Variants in TGS1 observed in about 807,000 individuals in gnomAD.
TGS1 encodes trimethylguanosine synthase 1, also known as trimethylguanosine synthase.
In TGS1, 69 loss-of-function variants were observed where a neutral mutation model predicts 92.2. The observed-to-expected ratio is 0.75, with a 90% CI of 0.62 to 0.91. The LOEUF is 0.91. TGS1 is among the 40% of genes least tolerant of loss of function. TGS1 has a pLI of 0.00. For missense variants in TGS1, 1,062 were observed against 1,001.2 expected, an observed-to-expected ratio of 1.06 and a Z score of -0.82; for synonymous variants, 345 against 338.1, an observed-to-expected ratio of 1.02 and a Z score of -0.22.
chr8:55,794,179 T>A (rs1811973242), intron 6 of TGS1, among the ~76,000 whole-genome samples: 1 of 152,160 alleles, frequency 6.6e-6, no homozygotes, highest in Admixed American at 6.6e-5. Context: ...CTGCCTTCCT[T>A]CCTTAGGGTC....
intron 2 of TGS1, among the ~76,000 whole-genome samples, chr8:55,783,901 A>G (rs1585757396): frequency 6.6e-6 from 1 of 152,346 alleles, no homozygotes. Flanking sequence ...TATGCATACA[A>G]TGAAAGGAAC....
At chr8:55,819,651 C>CT (rs1019596797) in intron 12 of TGS1, among the ~76,000 whole-genome samples, 18 of 152,054 alleles carry the variant, frequency 1.2e-4, no homozygotes, top group Admixed American at 3.3e-4. Flanking sequence ...ATGATGGTGG[C>CT]TTTAAGATTT....
rs1306851220 is a variant in TGS1, at chr8:55,826,179, G to A, written c.*1476G>A. Among the ~76,000 whole-genome samples the A allele has an allele frequency of 1.3e-5, 2 of 152,114 alleles. No homozygotes were observed. The highest frequency in any genetic ancestry group is 2.9e-5 in the Non-Finnish European group (2 of 68,012). On this transcript the variant is annotated 3_prime_UTR_variant, in exon 13 of 13. Transcript: ENST00000260129. Reference sequence around the variant, plus strand: ...GTAGCATTCTTAAAGTCACTAGGGAGATGGCAGGTGAAGTAAAGGCAGATT... The same window carrying A: ...GTAGCATTCTTAAAGTCACTAGGGAAATGGCAGGTGAAGTAAAGGCAGATT...
At chr8:55,811,874 C>A (rs910695103) in intron 11 of TGS1, among the ~76,000 whole-genome samples, 1 of 152,098 alleles carries the variant, frequency 6.6e-6, no homozygotes, top group South Asian at 2.1e-4. Context: ...ATGTGGGGAT[C>A]GATCTCCAAA....
At chr8:55,790,715 C>T (rs1020502684) in intron 5 of TGS1, among the ~76,000 whole-genome samples, 3 of 152,102 alleles carry the variant, frequency 2.0e-5, no homozygotes, top group African/African-American at 4.8e-5. Context: ...GACAGGGTCT[C>T]GCTATGTTGC....
In TGS1 at chr8:55,782,750, A is replaced by T; in HGVS notation, c.104A>T (p.Asp35Val). 6.2e-7 allele frequency: 1 copy of T among 1,610,104 alleles called. No individual in the cohort carries two copies. Among genetic ancestry groups the T allele is most frequent in the Admixed American group, 1.7e-5 (1 of 59,272 alleles). ...GAACTGCTTAATCTGCTTCGCAGGG[A>T]TCGAAAATTGTACAATTTGGGATTA... is the stretch of plus-strand genomic sequence containing the variant. ...LCLCSRAFVE[D>V]RKLYNLGLKG... The change falls in exon 2 of 13, where the codon GAT becomes GTT. Residue 35 changes from aspartate (D) to valine (V), a missense_variant and splice_region_variant. Transcript: ENST00000260129.
chr8:55,810,966 C>G lies in TGS1; in HGVS notation c.2229C>G (p.Phe743Leu). Reference sequence around the variant, plus strand: ...ATGGGATAGCAGATAAGATAGAGTTCATCTGTGGAGATTTCTTGCTGCTGG... The same window carrying G: ...ATGGGATAGCAGATAAGATAGAGTTGATCTGTGGAGATTTCTTGCTGCTGG... ...EVYGIADKIEFICGDFLLLAS... is the reference protein window; with the variant it reads ...EVYGIADKIELICGDFLLLAS... The change falls in exon 11 of 13, where the codon TTC becomes TTG. Residue 743 changes from phenylalanine to leucine, a missense_variant. Phe to Leu is a conservative substitution (Grantham distance 22). Coordinates refer to ENST00000260129, the MANE Select transcript of TGS1 (RefSeq NM_024831.8). 6.2e-7 allele frequency: 1 copy of G among 1,614,124 alleles called. No individual in the cohort carries two copies. The highest frequency in any genetic ancestry group is 1.6e-4 in the Middle Eastern group (1 of 6,062).
At position 55,811,037 on chromosome 8, in the gene TGS1, G is replaced by A. The variant is rs1361786612; in HGVS notation, c.2300G>A (p.Gly767Glu). 6.2e-7 allele frequency: 1 copy of A among 1,614,182 alleles called. No individual in the cohort carries two copies. The change falls in exon 11 of 13, where the codon GGA becomes GAA. Residue 767 changes from glycine to glutamate, a missense_variant. Coordinates refer to ENST00000260129, the MANE Select transcript of TGS1 (RefSeq NM_024831.8). ...ADVVFLSPPW[G>E]GPDYATAETF... Reference sequence around the variant, plus strand: ...GTTGTGTTCCTCAGCCCACCTTGGGGAGGGCCAGACTATGCCACTGCAGAG... The same window carrying A: ...GTTGTGTTCCTCAGCCCACCTTGGGAAGGGCCAGACTATGCCACTGCAGAG...
intron 4 of TGS1, among the ~76,000 whole-genome samples, chr8:55,789,778 C>T (rs1811822301): frequency 6.6e-6 from 1 of 152,098 alleles, no homozygotes; most frequent in Admixed American, 6.5e-5. Flanking sequence ...ACACAAACAG[C>T]TGGATTGGTT....
chr8:55,826,300 G>T lies in TGS1; in HGVS notation c.*1597G>T, dbSNP rs1041107416. 1.3e-5 allele frequency among the ~76,000 whole-genome samples: 2 copies of T among 152,020 alleles called. No individual in the cohort carries two copies. Among genetic ancestry groups the T allele is most frequent in the African/African-American group, 4.8e-5 (2 of 41,372 alleles). On this transcript the variant is annotated 3_prime_UTR_variant, in exon 13 of 13. Coordinates refer to ENST00000260129, the MANE Select transcript of TGS1 (RefSeq NM_024831.8). ...ATTTTCTTACTTGTATATTAATAAA[G>T]CTAACTCATCTTCCTGAATATACAT... is the stretch of plus-strand genomic sequence containing the variant.
chr8:55,810,877 T>G lies in TGS1; in HGVS notation c.2144-4T>G, dbSNP rs1375056774. 2 of 1,613,142 alleles carry G rather than the reference T, an allele frequency of 1.2e-6. No homozygotes were observed. The highest frequency in any genetic ancestry group is 4.5e-5 in the East Asian group (2 of 44,880). Reference sequence around the variant, plus strand: ...AACTCATTTTTTTCTTTTCCCACTTTTAGTGATTGCCATTGATATCGATCC... The same window carrying G: ...AACTCATTTTTTTCTTTTCCCACTTGTAGTGATTGCCATTGATATCGATCC... On this transcript the variant is annotated splice_polypyrimidine_tract_variant and splice_region_variant and intron_variant, in intron 10 of 12. Coordinates refer to ENST00000260129, the MANE Select transcript of TGS1 (RefSeq NM_024831.8).
chr8:55,814,661 A>T (rs1318883969), intron 12 of TGS1, among the ~76,000 whole-genome samples: 4 of 117,344 alleles, frequency 3.4e-5, no homozygotes, highest in African/African-American at 1.2e-4. Flanking sequence ...TCTCTACTTA[A>T]AAAAAAAAAA....
In TGS1 at chr8:55,804,194, A is replaced by G. The variant is rs1812298092; in HGVS notation, c.2000-699A>G. Among the ~76,000 whole-genome samples the G allele has an allele frequency of 3.9e-5, 6 of 152,088 alleles. No individual in the cohort carries two copies. In the South Asian group the frequency reaches 1.2e-3, roughly 32 times the overall value. ...GGTGGCTCATGCCTGTAATCCCAGC[A>G]CTTTGGGAGGCTGAGGCAGGCAAAT... is the stretch of plus-strand genomic sequence containing the variant. On this transcript the variant is annotated intron_variant, in intron 9 of 12. Transcript: ENST00000260129.
chr8:55,788,741 G>C (rs1263564851), intron 4 of TGS1, among the ~76,000 whole-genome samples: 2 of 152,132 alleles, frequency 1.3e-5, no homozygotes, highest in Non-Finnish European at 2.9e-5. Context: ...ATAGGCGTGA[G>C]CCACCATGCA....
chr8:55,814,674 A>AAAAAATATATATAT (rs1254531524), intron 12 of TGS1, among the ~76,000 whole-genome samples: 2 of 123,332 alleles, frequency 1.6e-5, no homozygotes, highest in African/African-American at 7.1e-5. Flanking sequence ...AAAAAAAAAA[A>AAAAAATATATATAT]ATATATATAT....
Position 55,786,772 on chromosome 8 carries a change from T to G in TGS1, c.874T>G (p.Leu292Val), listed in dbSNP as rs368055377. 2.5e-6 allele frequency: 4 copies of G among 1,614,078 alleles called. No individual in the cohort carries two copies. The African/African-American group carries it at 5.3e-5, about 22-fold the overall frequency. The change falls in exon 4 of 13, where the codon TTA becomes GTA. Residue 292 changes from leucine to valine, a missense_variant. By Grantham distance (32) the Leu-to-Val change is conservative (BLOSUM62 1). Transcript: ENST00000260129. ...KNDEKCMKVDLVSFPSSPIMV... is the reference protein window; with the variant it reads ...KNDEKCMKVDVVSFPSSPIMV... ...CGATGAAAAATGCATGAAAGTTGAC[T>G]TAGTATCTTTTCCATCTTCACCTAT...
At chr8:55,799,327 A>T (rs1812154627) in intron 8 of TGS1, 107 bp downstream of exon 8, 3 of 1,064,144 alleles carry the variant, frequency 2.8e-6, no homozygotes, top group Admixed American at 2.9e-5. Flanking sequence ...CTAAGGAGTC[A>T]CTGCTACTTA....
chr8:55,784,662 C>G (rs988008759), intron 2 of TGS1, among the ~76,000 whole-genome samples: 3 of 152,170 alleles, frequency 2.0e-5, no homozygotes, highest in African/African-American at 7.2e-5. Context: ...ATCAGCTCTT[C>G]CACAGAATCC....
intron 12 of TGS1, among the ~76,000 whole-genome samples, chr8:55,815,930 ATTTATTTATTTATTTAT>A (rs199614148): frequency 0.011 from 1,690 of 151,060 alleles, 26 homozygotes; most frequent in African/African-American, 0.039. Context: ...TTATTTATTT[ATTTATTTATTTATTTAT>A]TTTATTTATT....
Sources: allele counts gnomAD v4.1 joint callset (sites outside exome capture counted in the v4.1 genomes callset), GRCh38; gene constraint gnomAD v4.1.1; transcripts MANE v1.5; gene names NCBI Gene and HGNC (gene_info 2026-07-23, HGNC 2026-07-21).